Variants in ROBO2 observed in about 807,000 individuals in gnomAD.
The protein encoded by ROBO2 is roundabout guidance receptor 2, also known as roundabout homolog 2.
A neutral mutation model predicts 160.8 loss-of-function variants in ROBO2; 53 were observed. That is an observed-to-expected ratio of 0.33 (90% CI 0.26 to 0.41). The LOEUF is 0.41. Ranked by LOEUF, ROBO2 falls within the 10% of genes least tolerant of loss-of-function variation. ROBO2 has a pLI of 1.00. For missense variants in ROBO2, 1,577 were observed against 1,722.4 expected, an observed-to-expected ratio of 0.92 and a Z score of 1.49; for synonymous variants, 664 against 611.7, an observed-to-expected ratio of 1.09 and a Z score of -1.26.
At chr3:77,462,530 G>C (rs950915874) in intron 2 of ROBO2, among the ~76,000 whole-genome samples, 8 of 152,150 alleles carry the variant, frequency 5.3e-5, no homozygotes, top group Admixed American at 6.5e-5. Flanking sequence ...GTCACTGAAT[G>C]ACTCTTGTAA....
At chr3:76,037,399 A>C (rs2067145429) in intron 2 of ROBO2, among the ~76,000 whole-genome samples, 1 of 151,606 alleles carries the variant, frequency 6.6e-6, no homozygotes, top group Admixed American at 6.6e-5. Flanking sequence ...CTGGGATTAC[A>C]GGTGACCACC....
At chr3:76,055,199 C>T (rs2067795280) in intron 2 of ROBO2, among the ~76,000 whole-genome samples, 1 of 152,142 alleles carries the variant, frequency 6.6e-6, no homozygotes, top group African/African-American at 2.4e-5. Context: ...AAAAAACCGC[C>T]TCCATGATTC....
intron 2 of ROBO2, among the ~76,000 whole-genome samples, chr3:77,143,071 A>C (rs897575104): frequency 2.0e-5 from 3 of 151,706 alleles, no homozygotes; most frequent in African/African-American, 7.3e-5. Flanking sequence ...TGTGTGTCTT[A>C]ATACCAGCAA....
intron 2 of ROBO2, among the ~76,000 whole-genome samples, chr3:76,994,436 T>A (rs1422310603): frequency 6.6e-6 from 1 of 152,206 alleles, no homozygotes; most frequent in East Asian, 1.9e-4. Context: ...GTTACTCTTT[T>A]CTTTGCTAAT....
chr3:77,432,069 G>T (rs1032821011), intron 2 of ROBO2, among the ~76,000 whole-genome samples: 3 of 152,144 alleles, frequency 2.0e-5, no homozygotes, highest in Non-Finnish European at 4.4e-5. Flanking sequence ...TAATGAATGT[G>T]CATACTCTAT....
intron 6 of ROBO2, among the ~76,000 whole-genome samples, chr3:77,537,924 A>G (rs2092236452): frequency 6.6e-6 from 1 of 152,068 alleles, no homozygotes; most frequent in Admixed American, 6.6e-5. Context: ...GTCCCTCCCA[A>G]GACCCGTGGG....
At chr3:76,761,859 T>G (rs1382681987) in intron 2 of ROBO2, among the ~76,000 whole-genome samples, 1 of 151,682 alleles carries the variant, frequency 6.6e-6, no homozygotes, top group African/African-American at 2.4e-5. Flanking sequence ...ATAGAAAGGT[T>G]TTTTGAAAAT....
At position 76,349,788 on chromosome 3, in the gene ROBO2, T is replaced by C. The variant is rs1474143682; in HGVS notation, c.109+412186T>C. On this transcript the variant is annotated intron_variant, in intron 2 of 26. Transcript: ENST00000487694. ...CATCATCATTTTTCTTGTGTCAGTG[T>C]TTTTGGGCCCCAATTTCCGCAGGAA... 2.0e-5 allele frequency among the ~76,000 whole-genome samples: 3 copies of C among 151,978 alleles called. No individual in the cohort carries two copies. In the East Asian group the frequency reaches 5.8e-4, roughly 30 times the overall value.
intron 2 of ROBO2, among the ~76,000 whole-genome samples, chr3:77,415,702 G>T (rs1373336163): frequency 6.6e-6 from 1 of 152,026 alleles, no homozygotes; most frequent in Non-Finnish European, 1.5e-5. Flanking sequence ...TTTGCTTTGG[G>T]CACCAGCATC....
chr3:76,837,552 G>A lies in ROBO2; in HGVS notation c.110-260462G>A, dbSNP rs549032755. Among the ~76,000 whole-genome samples, 10 of 149,454 alleles carry A rather than the reference G, an allele frequency of 6.7e-5. No individual in the cohort carries two copies. The South Asian group carries it at 2.1e-3, about 32-fold the overall frequency. Reference sequence around the variant, plus strand: ...AAAAACCCAAACATATAGAAAGTTTGCAGTAGTGCAATTAGCTCACATATA... The same window carrying A: ...AAAAACCCAAACATATAGAAAGTTTACAGTAGTGCAATTAGCTCACATATA... On this transcript the variant is annotated intron_variant, in intron 2 of 26. Coordinates refer to the ROBO2 transcript ENST00000487694.
intron 2 of ROBO2, among the ~76,000 whole-genome samples, chr3:76,580,022 G>A (rs564682718): frequency 6.6e-6 from 1 of 152,196 alleles, no homozygotes; most frequent in East Asian, 1.9e-4. Context: ...GCCACCTAAA[G>A]AGGTCCCCAA....
chr3:76,462,898 C>G (rs17798930), intron 2 of ROBO2, among the ~76,000 whole-genome samples: 12,511 of 152,184 alleles, frequency 0.082, 621 homozygotes, highest in Middle Eastern at 0.12. Context: ...CCCTTTGTCC[C>G]TCTTTGGGCA....
intron 2 of ROBO2, among the ~76,000 whole-genome samples, chr3:77,300,183 A>T (rs1289364069): frequency 7.0e-6 from 1 of 143,306 alleles, no homozygotes; most frequent in Non-Finnish European, 1.5e-5. Context: ...AGGGAAATGA[A>T]TTTTTTTTTT....
chr3:76,389,619 T>G (rs1453470753), intron 2 of ROBO2, among the ~76,000 whole-genome samples: 1 of 152,176 alleles, frequency 6.6e-6, no homozygotes, highest in East Asian at 1.9e-4. Context: ...TAAAAAAAAG[T>G]ATCCATAAAA....
At chr3:76,638,613 A>G (rs2090465259) in intron 2 of ROBO2, among the ~76,000 whole-genome samples, 1 of 152,162 alleles carries the variant, frequency 6.6e-6, no homozygotes, top group Non-Finnish European at 1.5e-5. Context: ...AGTGGTTTCA[A>G]TCTATGTTTC....
chr3:77,110,332 A>G (rs999372937), intron 2 of ROBO2, among the ~76,000 whole-genome samples: 1 of 152,182 alleles, frequency 6.6e-6, no homozygotes, highest in Non-Finnish European at 1.5e-5. Flanking sequence ...TTTTTGAGTC[A>G]TTAACATATT....
intron 2 of ROBO2, among the ~76,000 whole-genome samples, chr3:75,999,177 A>C (rs2065813085): frequency 6.6e-6 from 1 of 152,158 alleles, no homozygotes; most frequent in Admixed American, 6.5e-5. Flanking sequence ...AATATATAAG[A>C]CAAAAGAGTT....
chr3:77,382,751 G>C (rs1415171969), intron 2 of ROBO2, among the ~76,000 whole-genome samples: 1 of 152,148 alleles, frequency 6.6e-6, no homozygotes, highest in African/African-American at 2.4e-5. Flanking sequence ...ACGCTACTTT[G>C]TTCTTTCTTA....
At chr3:76,004,302 AT>A (rs1210678297) in intron 2 of ROBO2, among the ~76,000 whole-genome samples, 1 of 152,216 alleles carries the variant, frequency 6.6e-6, no homozygotes, top group Non-Finnish European at 1.5e-5. Flanking sequence ...ATATGATTCA[AT>A]TTTTGTGACA....
Sources: gnomAD v4.1 joint callset for allele counts (sites outside exome capture counted in the v4.1 genomes callset) on GRCh38, gnomAD v4.1.1 for gene constraint, MANE v1.5 for transcripts, NCBI Gene and HGNC (gene_info 2026-07-23, HGNC 2026-07-21) for gene names.